The following SLC49A4 variants were observed in gnomAD, a reference collection of about 807,000 sequenced individuals.
SLC49A4 encodes solute carrier family 49 member 4, also known as disrupted in renal cancer protein 2.
A neutral mutation model predicts 50.6 loss-of-function variants in SLC49A4; 36 were observed. The observed-to-expected ratio is 0.71, with a 90% CI of 0.55 to 0.94. The LOEUF is 0.94. SLC49A4 is among the 40% of genes least tolerant of loss of function. The probability of loss-of-function intolerance (pLI) is 0.00; values close to 1 mark genes in which losing one functional copy is unlikely to be tolerated. For synonymous variants in SLC49A4, 248 were observed against 241.2 expected, an observed-to-expected ratio of 1.03 and a Z score of -0.26; for missense variants, 503 against 605.7, an observed-to-expected ratio of 0.83 and a Z score of 1.78.
intron 4 of SLC49A4, among the ~76,000 whole-genome samples, chr3:122,834,298 A>G (rs569116826): frequency 6.6e-6 from 1 of 152,332 alleles, no homozygotes; most frequent in African/African-American, 2.4e-5. Flanking sequence ...TGCAAGCCAC[A>G]TAAGTAATCT....
At chr3:122,846,955 G>C (rs2107574437) in intron 5 of SLC49A4, among the ~76,000 whole-genome samples, 1 of 152,304 alleles carries the variant, frequency 6.6e-6, no homozygotes, top group East Asian at 1.9e-4. Context: ...CACATATAAA[G>C]GGCAAAACTA....
At chr3:122,799,231 T>A (rs1447112560) in intron 1 of SLC49A4, among the ~76,000 whole-genome samples, 1 of 152,184 alleles carries the variant, frequency 6.6e-6, no homozygotes, top group Non-Finnish European at 1.5e-5. Flanking sequence ...TATTGATACT[T>A]GCTTTGGAGA....
chr3:122,854,938 A>C (rs1936966326), intron 5 of SLC49A4, among the ~76,000 whole-genome samples: 1 of 152,054 alleles, frequency 6.6e-6, no homozygotes, highest in Non-Finnish European at 1.5e-5. Context: ...AAAAAAATAC[A>C]AAAAATTAGC....
At chr3:122,826,630 C>G (rs534919751) in intron 2 of SLC49A4, among the ~76,000 whole-genome samples, 170 bp from the exon 3 acceptor site, 1 of 152,154 alleles carries the variant, frequency 6.6e-6, no homozygotes, top group Non-Finnish European at 1.5e-5. Flanking sequence ...CATAGGGAGT[C>G]AACATACCTG....
At chr3:122,806,236 A>C (rs988521864) in intron 1 of SLC49A4, among the ~76,000 whole-genome samples, 1 of 152,198 alleles carries the variant, frequency 6.6e-6, no homozygotes, top group African/African-American at 2.4e-5. Context: ...AGTCTTTGAA[A>C]ATTATTTGCC....
At chr3:122,874,217 TG>T (rs1937233334) in intron 8 of SLC49A4, among the ~76,000 whole-genome samples, 1 of 152,174 alleles carries the variant, frequency 6.6e-6, no homozygotes, top group Non-Finnish European at 1.5e-5. Context: ...CGTACACACC[TG>T]ACCATTTTGC....
chr3:122,879,382 C>T lies in SLC49A4; in HGVS notation c.*4C>T. On this transcript the variant is annotated 3_prime_UTR_variant, in exon 9 of 9. Coordinates refer to ENST00000261038, the MANE Select transcript of SLC49A4 (RefSeq NM_032839.3). ...TGATGTGGTTGTCTCCGTTTAATAGCACAGACTTGAAGGAGTTTAAAAGGA... is the reference window on the plus strand; with the variant it reads ...TGATGTGGTTGTCTCCGTTTAATAGTACAGACTTGAAGGAGTTTAAAAGGA... 2 of 1,605,922 alleles carry T rather than the reference C, an allele frequency of 1.2e-6. No individual in the cohort carries two copies. The highest frequency in any genetic ancestry group is 1.3e-5 in the African/African-American group (1 of 74,820).
chr3:122,827,101 G>A, intron 3 of SLC49A4, 36 bp downstream of exon 3: 1 of 1,581,760 alleles, frequency 6.3e-7, no homozygotes, highest in Non-Finnish European at 8.6e-7. Flanking sequence ...GTTATACTTT[G>A]TCTTTTATCT....
At chr3:122,827,366 A>G (rs922641580) in intron 3 of SLC49A4, among the ~76,000 whole-genome samples, 1 of 152,178 alleles carries the variant, frequency 6.6e-6, no homozygotes, top group African/African-American at 2.4e-5. Flanking sequence ...TCCTCTCTAG[A>G]TATCTTATCA....
chr3:122,860,003 G>C, intron 6 of SLC49A4, 72 bp from the exon 7 acceptor site: 1 of 1,252,666 alleles, frequency 8.0e-7, no homozygotes. Flanking sequence ...GTAGTTGTTA[G>C]TGAAAGTGTG....
Position 122,833,236 on chromosome 3 carries a change from G to T in SLC49A4, c.704-81G>T. The T allele has an allele frequency of 2.1e-6, 3 of 1,430,428 alleles. No homozygotes were observed. The South Asian group carries it at 3.6e-5, about 17-fold the overall frequency. The allele number at this position is 1,430,428 out of a possible 1,614,324, so 88.6% of individuals were successfully genotyped here. A position where few individuals can be genotyped will look rare whatever the true frequency, so the allele number is the denominator to read the frequency against. On this transcript the variant is annotated intron_variant, in intron 3 of 8. Coordinates refer to ENST00000261038, the MANE Select transcript of SLC49A4 (RefSeq NM_032839.3). The stretch of plus-strand genomic sequence containing the variant: ...AGCCTGGGTGACGGAGTGAGACCCT[G>T]TTTCAAAAAACAAATAAATACTTGA...
chr3:122,821,413 G>A (rs145103312), intron 2 of SLC49A4, among the ~76,000 whole-genome samples: 1 of 152,288 alleles, frequency 6.6e-6, no homozygotes, highest in East Asian at 1.9e-4. Context: ...GGGTTGGGAG[G>A]TGGATGGAGA....
Position 122,826,814 on chromosome 3 carries a change from G to A in SLC49A4, c.452G>A (p.Gly151Glu). ...TTAAATTCCAGATTAATTCATGGAG[G>A]ACAGATGTTAAATGGATTGGCAGGT... is the stretch of plus-strand genomic sequence containing the variant. The part of the protein sequence containing the change: ...LILKRRLIHG[G>E]QMLNGLAGPT... Residue 151 changes from glycine (G) to glutamate (E), a missense_variant, in exon 3 of 9, where the codon GGA (glycine) becomes GAA (glutamate). Gly to Glu is a moderately conservative substitution (Grantham distance 98). Coordinates refer to ENST00000261038, the MANE Select transcript of SLC49A4 (RefSeq NM_032839.3). The A allele has an allele frequency of 6.2e-7, 1 of 1,613,904 alleles. No homozygotes were observed. The highest frequency in any genetic ancestry group is 8.5e-7 in the Non-Finnish European group (1 of 1,179,804).
At chr3:122,824,099 C>T (rs1936490899) in intron 2 of SLC49A4, among the ~76,000 whole-genome samples, 1 of 152,200 alleles carries the variant, frequency 6.6e-6, no homozygotes, top group Non-Finnish European at 1.5e-5. Flanking sequence ...ACTAGTTCTC[C>T]TACTGAGCTT....
intron 2 of SLC49A4, among the ~76,000 whole-genome samples, chr3:122,809,691 A>G (rs1936273308): frequency 6.6e-6 from 1 of 152,238 alleles, no homozygotes; most frequent in South Asian, 2.1e-4. Context: ...TTGACCCTCC[A>G]TCTTGTTGGA....
At chr3:122,835,750 C>G (rs1936674573) in intron 4 of SLC49A4, among the ~76,000 whole-genome samples, 1 of 152,062 alleles carries the variant, frequency 6.6e-6, no homozygotes, top group African/African-American at 2.4e-5. Flanking sequence ...AAGTCCTAGC[C>G]AGAACAGTCA....
intron 1 of SLC49A4, among the ~76,000 whole-genome samples, chr3:122,797,554 C>G (rs1936064520): frequency 6.6e-6 from 1 of 152,258 alleles, no homozygotes; most frequent in African/African-American, 2.4e-5. Flanking sequence ...TGTGTCTTGA[C>G]TGCTGTAGAA....
chr3:122,851,636 G>A (rs756378322), intron 5 of SLC49A4, among the ~76,000 whole-genome samples: 17 of 151,970 alleles, frequency 1.1e-4, no homozygotes, highest in South Asian at 2.1e-4. Flanking sequence ...TATTCTACTT[G>A]AGGTTTACAC....
At chr3:122,830,496 G>A (rs1453323905) in intron 3 of SLC49A4, among the ~76,000 whole-genome samples, 2 of 152,172 alleles carry the variant, frequency 1.3e-5, no homozygotes, top group African/African-American at 2.4e-5. Flanking sequence ...TTCTAAAAAA[G>A]TGATACTGCG....
Sources: allele counts gnomAD v4.1 joint callset (sites outside exome capture counted in the v4.1 genomes callset), GRCh38; gene constraint gnomAD v4.1.1; transcripts MANE v1.5; gene names NCBI Gene and HGNC (gene_info 2026-07-23, HGNC 2026-07-21).